Variants in CLASP2 observed in about 807,000 individuals in gnomAD.
The protein encoded by CLASP2 is cytoplasmic linker associated protein 2.
CLASP2 carries 47 observed loss-of-function variants against 194.4 expected under a neutral mutation model. The observed-to-expected ratio is 0.24, with a 90% CI of 0.19 to 0.31. The LOEUF (loss-of-function observed/expected upper bound fraction) is 0.31. Ranked by LOEUF, CLASP2 falls within the 10% of genes least tolerant of loss-of-function variation. CLASP2 has a pLI of 1.00. For synonymous variants in CLASP2, 619 were observed against 633.5 expected (o/e 0.98, Z 0.34); for missense variants, 1,445 against 1,823.6 (o/e 0.79, Z 3.78).
chr3:33,621,377 A>G (rs1313079680), intron 11 of CLASP2, among the ~76,000 whole-genome samples: 2 of 152,070 alleles, frequency 1.3e-5, no homozygotes, highest in Non-Finnish European at 2.9e-5. Context: ...TTTCTTTGCT[A>G]GTTGGAGATA....
At chr3:33,584,346 C>A (rs1176903286) in intron 22 of CLASP2, among the ~76,000 whole-genome samples, 1 of 146,188 alleles carries the variant, frequency 6.8e-6, no homozygotes, top group African/African-American at 2.6e-5. Context: ...GTGATCTTGG[C>A]TCACTGCAGC....
At chr3:33,695,220 A>T (rs1372315229) in intron 2 of CLASP2, among the ~76,000 whole-genome samples, 7 of 103,840 alleles carry the variant, frequency 6.7e-5, no homozygotes, top group African/African-American at 1.5e-4. Flanking sequence ...AAGCCTGCTA[A>T]TTTTTTTTTT....
intron 7 of CLASP2, chr3:33,659,482 A>G: frequency 1.2e-6 from 1 of 861,696 alleles, no homozygotes; most frequent in Non-Finnish European, 1.4e-6. Context: ...CCTTTTTAAA[A>G]AGGTTTTCAT....
intron 36 of CLASP2, among the ~76,000 whole-genome samples, chr3:33,513,620 T>TA (rs1482955351): frequency 6.6e-6 from 1 of 152,210 alleles, no homozygotes; most frequent in African/African-American, 2.4e-5. Flanking sequence ...TGAAATCTCT[T>TA]AAAAAAGTAA....
chr3:33,577,349 A>C lies in CLASP2; in HGVS notation c.2348-1074T>G, dbSNP rs543834096. On this transcript the variant is annotated intron_variant, in intron 23 of 38. Coordinates refer to ENST00000682230, the MANE Select transcript of CLASP2 (RefSeq NM_001365631.1). ...GCACTACTGTCAGGCAAGGAGAGTT[A>C]GTTAACACTGGTGTTATTCTTTATA... The C allele has an allele frequency of 5.7e-6, 6 of 1,060,652 alleles. No homozygotes were observed. In the African/African-American group the frequency reaches 6.3e-5, roughly 11 times the overall value. The allele number at this position is 1,060,652 out of a possible 1,614,324, so 65.7% of individuals were successfully genotyped here.
chr3:33,632,287 C>A lies in CLASP2; in HGVS notation c.942+5G>T. 6.3e-7 allele frequency: 1 copy of A among 1,587,900 alleles called. No individual in the cohort carries two copies. The highest frequency in any genetic ancestry group is 8.6e-7 in the Non-Finnish European group (1 of 1,166,148). ...ATTCACGGGGAGTGCCACTGGTAGC[C>A]TTACCTGAATAGAAGGGACATCTGT... is the stretch of plus-strand genomic sequence containing the variant. On this transcript the variant is annotated splice_donor_5th_base_variant and intron_variant, in intron 9 of 38. Transcript: ENST00000682230.
At chr3:33,572,273 G>C (rs1041260527) in intron 25 of CLASP2, among the ~76,000 whole-genome samples, 1 of 152,076 alleles carries the variant, frequency 6.6e-6, no homozygotes, top group Non-Finnish European at 1.5e-5. Flanking sequence ...AATCTTGATG[G>C]GCTGGGAACA....
At chr3:33,652,123 A>G (rs908997554) in intron 7 of CLASP2, among the ~76,000 whole-genome samples, 1 of 152,236 alleles carries the variant, frequency 6.6e-6, no homozygotes. Flanking sequence ...TCAGTGAAAC[A>G]AACAGTTCAG....
At chr3:33,667,586 T>C (rs1190235838) in intron 6 of CLASP2, among the ~76,000 whole-genome samples, 1 of 152,130 alleles carries the variant, frequency 6.6e-6, no homozygotes, top group African/African-American at 2.4e-5. Context: ...TAAGAAACCA[T>C]TGCCTAGTAT....
chr3:33,577,605 C>T (rs2065170677), intron 23 of CLASP2, among the ~76,000 whole-genome samples: 1 of 152,108 alleles, frequency 6.6e-6, no homozygotes, highest in Non-Finnish European at 1.5e-5. Flanking sequence ...ATCTTATCTC[C>T]TTTAATCCTG....
chr3:33,600,270 A>G lies in CLASP2; in HGVS notation c.1924+2682T>C, dbSNP rs186255433. ...CAAGGTAATGTTAAATAGGGCCAAG[A>G]GTGGACATTCTCGTCTTGTTACTGA... is the stretch of plus-strand genomic sequence containing the variant. On this transcript the variant is annotated intron_variant, in intron 18 of 38. Coordinates refer to ENST00000682230, the MANE Select transcript of CLASP2 (RefSeq NM_001365631.1). Among the ~76,000 whole-genome samples, 27 of 152,256 alleles carry G rather than the reference A, an allele frequency of 1.8e-4. No homozygotes were observed. The South Asian group carries it at 4.8e-3, about 27-fold the overall frequency.
At chr3:33,525,503 C>A (rs2054282896) in intron 34 of CLASP2, among the ~76,000 whole-genome samples, 2 of 152,034 alleles carry the variant, frequency 1.3e-5, no homozygotes, top group African/African-American at 2.4e-5. Context: ...CACTAGAGAG[C>A]AACACCGAGC....
intron 30 of CLASP2, among the ~76,000 whole-genome samples, chr3:33,547,517 G>C (rs1442718377): frequency 6.6e-6 from 1 of 152,148 alleles, no homozygotes; most frequent in Admixed American, 6.6e-5. Context: ...TACATATGTT[G>C]CTAAATTTGG....
chr3:33,505,361 T>C (rs547109533), intron 37 of CLASP2: 1 of 152,276 alleles, frequency 6.6e-6, no homozygotes, highest in African/African-American at 2.4e-5. Context: ...TCAAGGCTAC[T>C]GAGCATGGGG....
Position 33,564,063 on chromosome 3 carries a change from C to T in CLASP2, c.2766+2669G>A, listed in dbSNP as rs949967837. On this transcript the variant is annotated intron_variant, in intron 27 of 38. Transcript: ENST00000682230. The stretch of plus-strand genomic sequence containing the variant: ...GACTTAGAACTCACAGAGGGGCAAA[C>T]TATTTATGGTGCTATTTAGCTTTTT... 8 of 383,352 alleles carry T rather than the reference C, an allele frequency of 2.1e-5. No homozygotes were observed. In the East Asian group the frequency reaches 2.3e-4, roughly 11 times the overall value. The allele number at this position is 383,352 out of a possible 1,614,324, so 23.7% of individuals were successfully genotyped here. A position where few individuals can be genotyped will look rare whatever the true frequency, so the allele number is the denominator to read the frequency against.
intron 19 of CLASP2, among the ~76,000 whole-genome samples, chr3:33,595,721 G>A (rs1476556299): frequency 6.6e-6 from 1 of 151,816 alleles, no homozygotes; most frequent in Non-Finnish European, 1.5e-5. Context: ...ATTTTGAACT[G>A]GAAAGTGATA....
At chr3:33,615,445 T>C (rs967737443) in intron 12 of CLASP2, among the ~76,000 whole-genome samples, 1 of 149,210 alleles carries the variant, frequency 6.7e-6, no homozygotes, top group African/African-American at 2.5e-5. Flanking sequence ...AAAAATACTA[T>C]TTCAAGATGA....
chr3:33,529,151 A>C (rs111422788), intron 34 of CLASP2, among the ~76,000 whole-genome samples: 10,998 of 152,250 alleles, frequency 0.072, 488 homozygotes, highest in Admixed American at 0.1. Context: ...GAATTACAAA[A>C]CACTGCTCAA....
rs2072729519 is a variant in CLASP2, at chr3:33,603,057, C to T, written c.1819G>A (p.Val607Met). The T allele has an allele frequency of 6.2e-7, 1 of 1,601,730 alleles. No individual in the cohort carries two copies. The highest frequency in any genetic ancestry group is 8.5e-7 in the Non-Finnish European group (1 of 1,173,856). ...GCCTTGGCACCTGCAGCAGCATTCA[C>T]ATCAATGTCACTTCGTGAACGCTGC... Reference protein sequence around the residue: ...SLQRSRSDIDVNAAAGAKAHH... With the variant: ...SLQRSRSDIDMNAAAGAKAHH... The change falls in exon 18 of 39, where the codon GTG (valine) becomes ATG (methionine). Residue 607 changes from valine (V) to methionine (M), a missense_variant. Val to Met is a conservative substitution (Grantham distance 21). Transcript: ENST00000682230.
Sources: allele counts gnomAD v4.1 joint callset (sites outside exome capture counted in the v4.1 genomes callset), GRCh38; gene constraint gnomAD v4.1.1; transcripts MANE v1.5; gene names NCBI Gene and HGNC (gene_info 2026-07-23, HGNC 2026-07-21).